The following TADA2A variants were observed in gnomAD, a reference collection of about 807,000 sequenced individuals.
TADA2A encodes the protein transcriptional adaptor 2A, also known as transcriptional adapter 2-alpha.
Under a neutral mutation model 67.4 loss-of-function variants are expected in TADA2A, and 38 were observed. That is an observed-to-expected ratio of 0.56 (90% CI 0.44 to 0.74). The LOEUF is 0.74. Ranked by LOEUF, TADA2A falls within the 30% of genes least tolerant of loss-of-function variation. TADA2A has a pLI of 0.00. For synonymous variants in TADA2A, 192 were observed against 181.6 expected (o/e 1.06, Z -0.46); for missense variants, 454 against 547.0 (o/e 0.83, Z 1.70).
At chr17:37,458,412 G>A (rs1208454815) in intron 8 of TADA2A, 112 bp from the exon 9 acceptor site, 6 of 564,052 alleles carry the variant, frequency 1.1e-5, no homozygotes, top group Non-Finnish European at 1.0e-5. Context: ...GGAGTAATTA[G>A]CAATATGAGG....
At position 37,459,838 on chromosome 17, in the gene TADA2A, G is replaced by T. The variant is rs1382263858; in HGVS notation, c.668+1251G>T. 2.0e-5 allele frequency among the ~76,000 whole-genome samples: 3 copies of T among 151,892 alleles called. No individual in the cohort carries two copies. The South Asian group carries it at 6.2e-4, about 32-fold the overall frequency. On this transcript the variant is annotated intron_variant, in intron 9 of 15. Coordinates refer to ENST00000615182, the MANE Select transcript of TADA2A (RefSeq NM_001166105.3). ...CCCAGCACTTTGGGAGGCCGAGGCT[G>T]GTGGATCACCTGAGGTCAGGAGTTC...
At chr17:37,450,869 G>A (rs2053213274) in intron 8 of TADA2A, among the ~76,000 whole-genome samples, 1 of 152,180 alleles carries the variant, frequency 6.6e-6, no homozygotes, top group Non-Finnish European at 1.5e-5. Context: ...CTCAGAGATA[G>A]CTTCAAATAT....
At chr17:37,471,785 C>T (rs1454739018) in intron 14 of TADA2A, among the ~76,000 whole-genome samples, 1 of 152,024 alleles carries the variant, frequency 6.6e-6, no homozygotes, top group Non-Finnish European at 1.5e-5. Context: ...GAATTACAGG[C>T]GTGAGCCACC....
intron 8 of TADA2A, among the ~76,000 whole-genome samples, chr17:37,450,018 GGAA>G (rs1367454567): frequency 2.0e-5 from 3 of 152,218 alleles, no homozygotes; most frequent in South Asian, 2.1e-4. Flanking sequence ...GGCCCACACT[GGAA>G]GAAGAAGTGT....
chr17:37,451,222 GA>G (rs1325826539), intron 8 of TADA2A, among the ~76,000 whole-genome samples: 3 of 151,744 alleles, frequency 2.0e-5, no homozygotes, highest in African/African-American at 7.3e-5. Flanking sequence ...TGTAGAGACA[GA>G]ATCTCAATGT....
At chr17:37,458,636 T>TG (rs2053462621) in intron 9 of TADA2A, 49 bp downstream of exon 9, 1 of 1,355,432 alleles carries the variant, frequency 7.4e-7, no homozygotes, top group African/African-American at 1.7e-5. Flanking sequence ...GGATTATTGT[T>TG]TTGTGTGTGT....
At chr17:37,473,429 T>C (rs1409318574) in intron 14 of TADA2A, among the ~76,000 whole-genome samples, 2 of 152,174 alleles carry the variant, frequency 1.3e-5, no homozygotes, top group African/African-American at 4.8e-5. Context: ...CTGGTGACTT[T>C]TGTGAGGAAC....
At chr17:37,436,590 C>T (rs1205857005) in intron 4 of TADA2A, 1 of 151,962 alleles carries the variant, frequency 6.6e-6, no homozygotes, top group African/African-American at 2.4e-5. Context: ...AACTCCTGAC[C>T]TCAAGAGATC....
intron 4 of TADA2A, among the ~76,000 whole-genome samples, chr17:37,437,087 ATTTT>A (rs779706863): frequency 7.1e-6 from 1 of 140,698 alleles, no homozygotes; most frequent in Admixed American, 7.2e-5. Context: ...TTTATTTTTA[ATTTT>A]TTTTTTTTTT....
At chr17:37,456,024 C>T (rs139887484) in intron 8 of TADA2A, among the ~76,000 whole-genome samples, 7,885 of 152,090 alleles carry the variant, frequency 0.052, 261 homozygotes, top group Middle Eastern at 0.099. Context: ...GCCAATATGG[C>T]GAAACCCTGT....
intron 1 of TADA2A, among the ~76,000 whole-genome samples, chr17:37,410,586 A>G (rs1365531044): frequency 6.6e-6 from 1 of 152,186 alleles, no homozygotes; most frequent in Non-Finnish European, 1.5e-5. Flanking sequence ...AGTTGAGTTT[A>G]TTAAAGTTTA....
chr17:37,447,921 C>G (rs1385575981), intron 8 of TADA2A, among the ~76,000 whole-genome samples: 3 of 152,168 alleles, frequency 2.0e-5, no homozygotes, highest in African/African-American at 4.8e-5. Context: ...CTCTGGCTTG[C>G]TTCTGAGTCA....
intron 15 of TADA2A, among the ~76,000 whole-genome samples, 159 bp downstream of exon 15, chr17:37,474,788 G>A (rs912807006): frequency 2.0e-5 from 3 of 152,150 alleles, no homozygotes; most frequent in Admixed American, 6.5e-5. Context: ...CTAAAGAGCC[G>A]TTTGTGGCAG....
At chr17:37,459,098 G>A (rs1443334118) in intron 9 of TADA2A, among the ~76,000 whole-genome samples, 2 of 152,054 alleles carry the variant, frequency 1.3e-5, no homozygotes, top group African/African-American at 2.4e-5. Context: ...TCTCAATTGA[G>A]GATAGTAATT....
rs529358957 is a variant in TADA2A at position 37,441,736 on chromosome 17, G to A, written c.443-828G>A. Reference sequence around the variant, plus strand: ...GGCTGGAGTGCAGTGGCACAACCTCGGCTTACTGCAACCTCCACCTCCAGG... The same window carrying A: ...GGCTGGAGTGCAGTGGCACAACCTCAGCTTACTGCAACCTCCACCTCCAGG... On this transcript the variant is annotated intron_variant, in intron 6 of 15. Transcript: ENST00000615182. Among the ~76,000 whole-genome samples, 14 of 150,094 alleles carry A rather than the reference G, an allele frequency of 9.3e-5. No homozygotes were observed. In the South Asian group the frequency reaches 2.1e-3, roughly 23 times the overall value.
At chr17:37,441,415 A>G (rs2052913227) in intron 6 of TADA2A, among the ~76,000 whole-genome samples, 1 of 152,206 alleles carries the variant, frequency 6.6e-6, no homozygotes, top group Non-Finnish European at 1.5e-5. Context: ...CAAGCCCAAG[A>G]ATCAGTTTGT....
chr17:37,471,233 GGT>G, intron 14 of TADA2A, 96 bp downstream of exon 14: 1 of 1,300,298 alleles, frequency 7.7e-7, no homozygotes, highest in South Asian at 1.2e-5. Flanking sequence ...GTGGTGTCAG[GGT>G]GCTTAGGCAG....
At chr17:37,474,476 G>A (rs1206726449) in intron 14 of TADA2A, 80 bp from the exon 15 acceptor site, 5 of 1,369,206 alleles carry the variant, frequency 3.7e-6, no homozygotes, top group Non-Finnish European at 4.1e-6. Flanking sequence ...TGGCCTGGCT[G>A]CACTGAACTT....
chr17:37,461,929 C>A (rs1362820813), intron 9 of TADA2A, 149 bp from the exon 10 acceptor site: 4 of 607,922 alleles, frequency 6.6e-6, no homozygotes, highest in Middle Eastern at 5.5e-4. Context: ...GATTCACTGA[C>A]CTGCAGAAAT....
Sources: allele counts gnomAD v4.1 joint callset (sites outside exome capture counted in the v4.1 genomes callset), GRCh38; gene constraint gnomAD v4.1.1; transcripts MANE v1.5; gene names NCBI Gene and HGNC (gene_info 2026-07-23, HGNC 2026-07-21).